SGCG: variants seen among roughly 807,000 people sequenced by gnomAD.
SGCG encodes gamma-sarcoglycan.
Under a neutral mutation model 29.3 loss-of-function variants are expected in SGCG, and 26 were observed. That is an observed-to-expected ratio of 0.89 (90% CI 0.65 to 1.23). The LOEUF is 1.23. Ranked by LOEUF, SGCG falls within the 50% of genes most tolerant of loss-of-function variation. The pLI is 0.00. For missense variants in SGCG, 353 were observed against 356.0 expected (o/e 0.99, Z 0.07); for synonymous variants, 145 against 129.7 (o/e 1.12, Z -0.80).
chr13:23,238,572 A>G lies in SGCG; in HGVS notation c.297+3860A>G, dbSNP rs986440979. 5.3e-5 allele frequency among the ~76,000 whole-genome samples: 8 copies of G among 152,194 alleles called. No homozygotes were observed. In the East Asian group the frequency reaches 1.5e-3, roughly 29 times the overall value. ...TCAGAAGTGGTACAAGATCAACACT[A>G]GGAAAAAAATCCTGCTCTGGTCCAT... On this transcript the variant is annotated intron_variant, in intron 3 of 7. Coordinates refer to ENST00000218867, the MANE Select transcript of SGCG (RefSeq NM_000231.3).
intron 2 of SGCG, among the ~76,000 whole-genome samples, chr13:23,217,707 AT>A (rs149301389): frequency 0.017 from 2,640 of 151,870 alleles, 70 homozygotes; most frequent in African/African-American, 0.06. Flanking sequence ...TACTGCTACC[AT>A]GTAATAGGTA....
chr13:23,283,109 G>A (rs1289686242), intron 5 of SGCG, among the ~76,000 whole-genome samples: 1 of 152,202 alleles, frequency 6.6e-6, no homozygotes, highest in Non-Finnish European at 1.5e-5. Context: ...TTGGGGTGGA[G>A]ACTTCTGTAG....
intron 2 of SGCG, among the ~76,000 whole-genome samples, chr13:23,204,573 G>A (rs935376070): frequency 2.0e-5 from 3 of 152,016 alleles, no homozygotes; most frequent in African/African-American, 7.2e-5. Flanking sequence ...TGTGATATAT[G>A]CACAGGCTCT....
intron 1 of SGCG, among the ~76,000 whole-genome samples, chr13:23,184,993 A>C (rs1242128239): frequency 6.6e-6 from 1 of 152,246 alleles, no homozygotes; most frequent in African/African-American, 2.4e-5. Flanking sequence ...TACAGAGATC[A>C]ATAACAAGAG....
intron 1 of SGCG, among the ~76,000 whole-genome samples, chr13:23,197,062 T>C (rs1877541146): frequency 6.6e-6 from 1 of 152,198 alleles, no homozygotes; most frequent in African/African-American, 2.4e-5. Flanking sequence ...TATTATGATC[T>C]GTGTGTATGG....
chr13:23,165,939 G>A, the SGCG span, among the ~76,000 whole-genome samples: 3 of 152,094 alleles, frequency 2.0e-5, no homozygotes, highest in Non-Finnish European at 4.4e-5. Flanking sequence ...TAGCAGTTTT[G>A]TTTTCTGTTG....
chr13:23,297,232 T>TTA (rs66661701), intron 6 of SGCG, among the ~76,000 whole-genome samples: 16 of 61,162 alleles, frequency 2.6e-4, no homozygotes, highest in African/African-American at 7.9e-4. Flanking sequence ...AATCTTTTAT[T>TTA]TTTTTTTTTT....
At chr13:23,261,273 T>TAA (rs77352466) in intron 4 of SGCG, among the ~76,000 whole-genome samples, 1 of 150,530 alleles carries the variant, frequency 6.6e-6, no homozygotes, top group East Asian at 2.0e-4. Context: ...CAGTTATGAG[T>TAA]AAAAAAAAAT....
At chr13:23,218,696 C>A (rs1284343045) in intron 2 of SGCG, among the ~76,000 whole-genome samples, 2 of 151,896 alleles carry the variant, frequency 1.3e-5, no homozygotes, top group Admixed American at 6.6e-5. Flanking sequence ...ACATGCCATA[C>A]TTACTTGTGT....
intron 1 of SGCG, among the ~76,000 whole-genome samples, chr13:23,182,900 T>A (rs1414784422): frequency 1.3e-5 from 2 of 152,196 alleles, no homozygotes; most frequent in East Asian, 3.9e-4. Flanking sequence ...GAAGGATCAC[T>A]GCAGTTGACA....
intron 1 of SGCG, among the ~76,000 whole-genome samples, chr13:23,183,911 C>A (rs2137467986): frequency 6.6e-6 from 1 of 152,278 alleles, no homozygotes; most frequent in Middle Eastern, 3.4e-3. Context: ...CGTGATCCAC[C>A]CGCCTCGGCC....
intron 5 of SGCG, among the ~76,000 whole-genome samples, chr13:23,281,009 G>T (rs1278569874): frequency 6.6e-6 from 1 of 152,122 alleles, no homozygotes; most frequent in African/African-American, 2.4e-5. Context: ...CTGTATGCAT[G>T]CATCAGAGCC....
chr13:23,192,913 A>G (rs1182447286), intron 1 of SGCG, among the ~76,000 whole-genome samples: 2 of 152,218 alleles, frequency 1.3e-5, no homozygotes, highest in Non-Finnish European at 2.9e-5. Flanking sequence ...TGCCAGTTAT[A>G]TAATAAGCAA....
intron 6 of SGCG, among the ~76,000 whole-genome samples, chr13:23,300,748 T>A (rs9510688): frequency 0.56 from 82,625 of 147,588 alleles, 24,010 homozygotes; most frequent in East Asian, 0.84. Flanking sequence ...GAAGAAGTTA[T>A]CCCATCACAC....
At chr13:23,273,996 T>G (rs1030523635) in intron 4 of SGCG, among the ~76,000 whole-genome samples, 1 of 152,224 alleles carries the variant, frequency 6.6e-6, no homozygotes, top group African/African-American at 2.4e-5. Context: ...GTTCTGTGGG[T>G]CCTCACATCT....
intron 4 of SGCG, among the ~76,000 whole-genome samples, chr13:23,275,523 T>G (rs1443082009): frequency 6.7e-6 from 1 of 149,768 alleles, no homozygotes; most frequent in Non-Finnish European, 1.5e-5. Context: ...AAAAAAGTGA[T>G]CATCTTACAG....
At chr13:23,194,108 T>A (rs1195873109) in intron 1 of SGCG, among the ~76,000 whole-genome samples, 1 of 152,242 alleles carries the variant, frequency 6.6e-6, no homozygotes, top group Non-Finnish European at 1.5e-5. Context: ...GGAGGTTATG[T>A]GATCCCTCTG....
At chr13:23,242,413 T>C (rs1023618363) in intron 3 of SGCG, among the ~76,000 whole-genome samples, 1 of 152,180 alleles carries the variant, frequency 6.6e-6, no homozygotes. Context: ...AATTACCCCT[T>C]ACATTATTAA....
At chr13:23,167,450 A>AGCTCTATTTTTAGTC in the SGCG span, among the ~76,000 whole-genome samples, 1 of 152,146 alleles carries the variant, frequency 6.6e-6, no homozygotes, top group East Asian at 1.9e-4. Context: ...ATCTCATAGT[A>AGCTCTATTTTTAGTC]GCTCTATTTT....
Sources: allele counts gnomAD v4.1 joint callset (sites outside exome capture counted in the v4.1 genomes callset), GRCh38; gene constraint gnomAD v4.1.1; transcripts MANE v1.5; gene names NCBI Gene and HGNC (gene_info 2026-07-23, HGNC 2026-07-21).